PRIM2: variants seen among roughly 807,000 people sequenced by gnomAD.
The protein encoded by PRIM2 is DNA primase subunit 2, also known as DNA primase large subunit.
PRIM2 carries 39 observed loss-of-function variants against 67.3 expected under a neutral mutation model. That is an observed-to-expected ratio of 0.58 (90% CI 0.45 to 0.76). The LOEUF (loss-of-function observed/expected upper bound fraction) is 0.76, where lower values mean the gene tolerates loss of function less well. Ranked by LOEUF, PRIM2 falls within the 30% of genes least tolerant of loss-of-function variation. The probability of loss-of-function intolerance (pLI) is 0.00; values close to 1 mark genes in which losing one functional copy is unlikely to be tolerated. For missense variants in PRIM2, 398 were observed against 598.7 expected, an observed-to-expected ratio of 0.66 and a Z score of 3.50; for synonymous variants, 143 against 198.7, an observed-to-expected ratio of 0.72 and a Z score of 2.36.
At chr6:57,639,491 T>C (rs1162912205) in intron 13 of PRIM2, among the ~76,000 whole-genome samples, 1 of 151,154 alleles carries the variant, frequency 6.6e-6, no homozygotes, top group Non-Finnish European at 1.5e-5. Context: ...TCAACAAAAT[T>C]GATAGACTGC....
chr6:57,261,524 G>A, the PRIM2 span, among the ~76,000 whole-genome samples: 16 of 152,280 alleles, frequency 1.1e-4, no homozygotes, highest in East Asian at 1.9e-3. Context: ...AGGGTAGAGC[G>A]GGGACAGGGG....
intron 8 of PRIM2, among the ~76,000 whole-genome samples, chr6:57,517,218 TC>T: frequency 6.6e-6 from 1 of 152,314 alleles, no homozygotes; most frequent in African/African-American, 2.4e-5. Flanking sequence ...AAAACATTGA[TC>T]GCTCTCTGGT....
intron 8 of PRIM2, among the ~76,000 whole-genome samples, chr6:57,519,385 AAG>A (rs1491285448): frequency 6.6e-6 from 1 of 152,236 alleles, no homozygotes; most frequent in Non-Finnish European, 1.5e-5. Context: ...TCTCGACCAT[AAG>A]AGATGGCTAC....
At chr6:57,317,447 A>G (rs1767512635), upstream of PRIM2, among the ~76,000 whole-genome samples, 1 of 152,180 alleles carries the variant, frequency 6.6e-6, no homozygotes, top group East Asian at 1.9e-4. Flanking sequence ...AAATTTGGAA[A>G]AAAAATCCCC....
At chr6:57,394,076 G>A (rs4712156) in intron 7 of PRIM2, among the ~76,000 whole-genome samples, 1 of 152,202 alleles carries the variant, frequency 6.6e-6, no homozygotes, top group Non-Finnish European at 1.5e-5. Context: ...CTATAGTATA[G>A]TTTGAAATCA....
chr6:57,590,802 CTG>C (rs2127488343), intron 10 of PRIM2, among the ~76,000 whole-genome samples: 1 of 152,214 alleles, frequency 6.6e-6, no homozygotes, highest in East Asian at 1.9e-4. Context: ...CATTTTATCA[CTG>C]TGTGCAGGAC....
At chr6:57,465,884 C>T (rs1773170657) in intron 7 of PRIM2, among the ~76,000 whole-genome samples, 1 of 151,796 alleles carries the variant, frequency 6.6e-6, no homozygotes, top group Admixed American at 6.6e-5. Context: ...AGGTTTGTTA[C>T]ATAGGTATAC....
intron 7 of PRIM2, among the ~76,000 whole-genome samples, chr6:57,430,688 T>A (rs1366835518): frequency 3.3e-5 from 5 of 152,096 alleles, no homozygotes; most frequent in African/African-American, 1.2e-4. Flanking sequence ...CTCGAACTCC[T>A]GACCTCAGGT....
chr6:57,545,081 A>G (rs1229962714), intron 10 of PRIM2, among the ~76,000 whole-genome samples: 1 of 152,170 alleles, frequency 6.6e-6, no homozygotes, highest in Non-Finnish European at 1.5e-5. Flanking sequence ...TTCTAAGAGC[A>G]GTAGATCTCA....
At chr6:57,609,331 G>C (rs1316873925) in intron 12 of PRIM2, among the ~76,000 whole-genome samples, 1 of 152,180 alleles carries the variant, frequency 6.6e-6, no homozygotes, top group Non-Finnish European at 1.5e-5. Flanking sequence ...AAGGGAAGTT[G>C]ATGGAGTGTA....
At position 57,402,888 on chromosome 6, in the gene PRIM2, TC is replaced by T. The variant is rs374286312; in HGVS notation, c.693+20722del. Among the ~76,000 whole-genome samples, 679 of 152,256 alleles carry T rather than the reference TC, an allele frequency of 4.5e-3. 6 individuals carry two copies. Among genetic ancestry groups the T allele is most frequent in the African/African-American group, 0.016 (645 of 41,534 alleles). On this transcript the variant is annotated intron_variant, in intron 7 of 13. Coordinates refer to ENST00000615550, the MANE Select transcript of PRIM2 (RefSeq NM_000947.5). Reference sequence around the variant, plus strand: ...TAATTTCTTTCCCCACCTCAGTAGTTCCTCTTGCACATATCCAGTTTAGAAT... The same window carrying T: ...TAATTTCTTTCCCCACCTCAGTAGTTCTCTTGCACATATCCAGTTTAGAAT...
intron 7 of PRIM2, among the ~76,000 whole-genome samples, chr6:57,383,927 G>A (rs984543734): frequency 5.3e-5 from 8 of 152,170 alleles, no homozygotes; most frequent in Non-Finnish European, 1.0e-4. Context: ...CAGTGTCTGC[G>A]TTAGTTAGTA....
intron 13 of PRIM2, among the ~76,000 whole-genome samples, chr6:57,643,961 GT>G (rs1777290938): frequency 6.6e-6 from 1 of 152,128 alleles, no homozygotes; most frequent in African/African-American, 2.4e-5. Flanking sequence ...CTGTCTGCTG[GT>G]CCGTCCACCA....
chr6:57,638,217 A>G (rs1331472444), intron 13 of PRIM2, among the ~76,000 whole-genome samples: 2 of 152,188 alleles, frequency 1.3e-5, no homozygotes, highest in Admixed American at 6.5e-5. Context: ...TTTTGTCACC[A>G]CTAGGCCTGC....
Position 57,608,844 on chromosome 6 carries a change from G to C in PRIM2, c.1230+2387G>C, listed in dbSNP as rs1337992812. ...AGAAAGAGGAGGAGAAGAAAGAACT[G>C]TCAGAGAGGGTGGGCTTGATGAAGA... On this transcript the variant is annotated intron_variant, in intron 12 of 13. Coordinates refer to ENST00000615550, the MANE Select transcript of PRIM2 (RefSeq NM_000947.5). Among the ~76,000 whole-genome samples the C allele has an allele frequency of 3.2e-4, 49 of 152,256 alleles. No individual in the cohort carries two copies. The South Asian group carries it at 9.3e-3, about 29-fold the overall frequency.
At chr6:57,514,871 A>G (rs1224897776) in intron 8 of PRIM2, among the ~76,000 whole-genome samples, 3 of 152,132 alleles carry the variant, frequency 2.0e-5, no homozygotes, top group Non-Finnish European at 4.4e-5. Flanking sequence ...CTCCCCACCC[A>G]CACACATACC....
the PRIM2 span, among the ~76,000 whole-genome samples, chr6:57,309,659 A>G: frequency 6.6e-6 from 1 of 152,178 alleles, no homozygotes; most frequent in African/African-American, 2.4e-5. Flanking sequence ...AGCATGATTT[A>G]TAGTCCTTTG....
At position 57,469,488 on chromosome 6, in the gene PRIM2, G is replaced by A. The variant is rs1393103999; in HGVS notation, c.694-37899G>A. On this transcript the variant is annotated intron_variant, in intron 7 of 13. Transcript: ENST00000615550. Reference sequence around the variant, plus strand: ...TAATGTGGAAAACTTGAAGAAGCAGGTAGAACACTGTGATCTTACGATGTG... The same window carrying A: ...TAATGTGGAAAACTTGAAGAAGCAGATAGAACACTGTGATCTTACGATGTG... Among the ~76,000 whole-genome samples, 1,283 of 152,260 alleles carry A rather than the reference G, an allele frequency of 8.4e-3. 8 individuals are homozygous for A. Among genetic ancestry groups the A allele is most frequent in the Non-Finnish European group, 0.012 (846 of 68,026 alleles).
At chr6:57,616,174 T>A (rs1776753223) in intron 12 of PRIM2, among the ~76,000 whole-genome samples, 2 of 152,356 alleles carry the variant, frequency 1.3e-5, no homozygotes, top group Admixed American at 1.3e-4. Context: ...ATAGAACAAT[T>A]TGAAGCCATG....
Sources: allele counts gnomAD v4.1 joint callset (sites outside exome capture counted in the v4.1 genomes callset), GRCh38; gene constraint gnomAD v4.1.1; transcripts MANE v1.5; gene names NCBI Gene and HGNC (gene_info 2026-07-23, HGNC 2026-07-21).